The following OPCML variants were observed in gnomAD, a reference collection of about 807,000 sequenced individuals.
The protein encoded by OPCML is opioid-binding protein/cell adhesion molecule.
A neutral mutation model predicts 37.8 loss-of-function variants in OPCML; 13 were observed. That is an observed-to-expected ratio of 0.34 (90% confidence interval 0.22 to 0.55). The LOEUF is 0.55. OPCML is among the 20% of genes least tolerant of loss of function. The probability of loss-of-function intolerance (pLI) is 0.91; values close to 1 mark genes in which losing one functional copy is unlikely to be tolerated. For synonymous variants in OPCML, 176 were observed against 168.8 expected, an observed-to-expected ratio of 1.04 and a Z score of -0.33; for missense variants, 341 against 435.6, an observed-to-expected ratio of 0.78 and a Z score of 1.93.
chr11:133,109,222 G>C (rs555956318), intron 1 of OPCML, among the ~76,000 whole-genome samples: 4 of 152,144 alleles, frequency 2.6e-5, no homozygotes, highest in Non-Finnish European at 5.9e-5. Flanking sequence ...ACGGAACTTT[G>C]CCGTGGGTGT....
chr11:132,742,828 A>ATT (rs1415309857), intron 2 of OPCML, among the ~76,000 whole-genome samples: 1 of 150,428 alleles, frequency 6.6e-6, no homozygotes, highest in African/African-American at 2.4e-5. Flanking sequence ...TTATATACTC[A>ATT]TTATATATAA....
At chr11:132,879,755 T>C (rs1012955374) in intron 2 of OPCML, among the ~76,000 whole-genome samples, 1 of 152,002 alleles carries the variant, frequency 6.6e-6, no homozygotes, top group African/African-American at 2.4e-5. Flanking sequence ...CGTTAATAAA[T>C]AGGTTTCTCT....
intron 1 of OPCML, among the ~76,000 whole-genome samples, chr11:133,359,557 C>G (rs1944368584): frequency 6.7e-6 from 1 of 150,366 alleles, no homozygotes. Flanking sequence ...AGTCCCCACC[C>G]TTATTTGACC....
chr11:132,624,585 C>G (rs75530300), intron 3 of OPCML, among the ~76,000 whole-genome samples: 19,578 of 151,998 alleles, frequency 0.13, 1,580 homozygotes, highest in South Asian at 0.24. Flanking sequence ...TCTGCTTGCT[C>G]TACCCACTAC....
chr11:133,362,033 G>C (rs1368051392), intron 1 of OPCML: 2 of 152,452 alleles, frequency 1.3e-5, no homozygotes, highest in Non-Finnish European at 2.9e-5. Context: ...TCCTGTGCTG[G>C]ACTGAGCAGG....
At chr11:132,672,143 C>G (rs1390792159) in intron 2 of OPCML, among the ~76,000 whole-genome samples, 1 of 152,128 alleles carries the variant, frequency 6.6e-6, no homozygotes, top group Non-Finnish European at 1.5e-5. Flanking sequence ...TTTTCCTGCT[C>G]ACACCTAGAC....
intron 1 of OPCML, among the ~76,000 whole-genome samples, chr11:133,145,674 TAAGA>T (rs1233347531): frequency 2.6e-5 from 4 of 152,154 alleles, no homozygotes; most frequent in Non-Finnish European, 5.9e-5. Flanking sequence ...GCACATTGGA[TAAGA>T]AAGAGCGTGG....
chr11:133,011,207 G>A (rs1271751970), intron 1 of OPCML, among the ~76,000 whole-genome samples: 6 of 152,216 alleles, frequency 3.9e-5, no homozygotes, highest in African/African-American at 1.2e-4. Context: ...AAGCACATGG[G>A]ATCAGGCCCT....
intron 1 of OPCML, among the ~76,000 whole-genome samples, chr11:133,185,758 A>G (rs1030052655): frequency 6.6e-6 from 1 of 152,202 alleles, no homozygotes; most frequent in Non-Finnish European, 1.5e-5. Context: ...TCTGCAATCA[A>G]TTTATGCCTA....
intron 7 of OPCML, among the ~76,000 whole-genome samples, chr11:132,429,212 C>A (rs983003172): frequency 6.6e-6 from 1 of 152,130 alleles, no homozygotes; most frequent in Non-Finnish European, 1.5e-5. Flanking sequence ...GCGAGAACAG[C>A]CTTAATGCCA....
intron 1 of OPCML, among the ~76,000 whole-genome samples, chr11:133,475,346 A>G (rs1374097169): frequency 6.6e-6 from 1 of 152,022 alleles, no homozygotes; most frequent in Admixed American, 6.5e-5. Context: ...AGACCTCAGG[A>G]GAAACAATCA....
At chr11:132,701,853 T>C (rs531992111) in intron 2 of OPCML, among the ~76,000 whole-genome samples, 1 of 151,814 alleles carries the variant, frequency 6.6e-6, no homozygotes, top group African/African-American at 2.4e-5. Context: ...CTACTATAGG[T>C]GTTTTTGTGA....
intron 1 of OPCML, among the ~76,000 whole-genome samples, chr11:133,404,048 C>G (rs763211361): frequency 3.3e-5 from 5 of 152,234 alleles, no homozygotes; most frequent in Admixed American, 6.5e-5. Flanking sequence ...TTGGCTCCCC[C>G]TAGAGGCCCG....
chr11:133,200,550 A>C (rs2136318530), intron 1 of OPCML, among the ~76,000 whole-genome samples: 1 of 152,304 alleles, frequency 6.6e-6, no homozygotes, highest in African/African-American at 2.4e-5. Context: ...GCAATCTCTC[A>C]AACATCTCTG....
intron 1 of OPCML, among the ~76,000 whole-genome samples, chr11:133,015,413 AAGG>A (rs1477707633): frequency 1.9e-5 from 2 of 104,116 alleles, no homozygotes; most frequent in Non-Finnish European, 4.2e-5. Context: ...GGAAGGAAGG[AAGG>A]AAGGAAGGAA....
chr11:132,543,057 T>TG (rs2096360749), intron 3 of OPCML, among the ~76,000 whole-genome samples: 1 of 118,744 alleles, frequency 8.4e-6, no homozygotes, highest in Admixed American at 8.9e-5. Flanking sequence ...TTGTCTATTG[T>TG]GGGAAGAGGG....
chr11:133,167,338 T>C (rs1240652303), intron 1 of OPCML, among the ~76,000 whole-genome samples: 1 of 152,170 alleles, frequency 6.6e-6, no homozygotes, highest in Non-Finnish European at 1.5e-5. Flanking sequence ...AAATACCATA[T>C]GTGAAACTGC....
intron 7 of OPCML, among the ~76,000 whole-genome samples, chr11:132,435,613 C>A (rs1290561224): frequency 6.6e-6 from 1 of 152,304 alleles, no homozygotes; most frequent in East Asian, 1.9e-4. Context: ...GTGGATAGAG[C>A]AGCCACCTGA....
chr11:132,789,101 C>T (rs761586267), intron 2 of OPCML, among the ~76,000 whole-genome samples: 2 of 152,194 alleles, frequency 1.3e-5, no homozygotes, highest in Non-Finnish European at 2.9e-5. Flanking sequence ...TTCCCTCAGC[C>T]TGTATCCTAT....
Sources: gnomAD v4.1 joint callset for allele counts (sites outside exome capture counted in the v4.1 genomes callset) on GRCh38, gnomAD v4.1.1 for gene constraint, MANE v1.5 for transcripts, NCBI Gene and HGNC (gene_info 2026-07-23, HGNC 2026-07-21) for gene names.